NRK: variants seen among roughly 807,000 people sequenced by gnomAD.
NRK encodes nik-related protein kinase.
In NRK, 67 loss-of-function variants were observed where a neutral mutation model predicts 125.2. That is an observed-to-expected ratio of 0.54 (90% confidence interval 0.44 to 0.66). NRK has a LOEUF of 0.66. Ranked by LOEUF, NRK falls within the 30% of genes least tolerant of loss-of-function variation. The probability of loss-of-function intolerance (pLI) is 0.00; values close to 1 mark genes in which losing one functional copy is unlikely to be tolerated. For missense variants in NRK, 1,224 were observed against 1,192.9 expected, an observed-to-expected ratio of 1.03 and a Z score of -0.38; for synonymous variants, 458 against 429.0, an observed-to-expected ratio of 1.07 and a Z score of -0.84.
At chrX:105,900,718 CT>C (rs745321908) in intron 9 of NRK, 46 bp downstream of exon 9, 4 of 763,541 alleles carry the variant, frequency 5.2e-6, no homozygotes, top group Non-Finnish European at 7.9e-6. Context: ...GGGAAATGTA[CT>C]GTACAAATCA....
At chrX:105,859,745 A>G (rs2039578077) in intron 2 of NRK, among the ~76,000 whole-genome samples, 3 of 111,916 alleles carry the variant, frequency 2.7e-5, no homozygotes, top group African/African-American at 9.8e-5. Flanking sequence ...CTTAATAGCC[A>G]CACATAAATA....
At chrX:105,874,033 T>C (rs1008055809) in intron 2 of NRK, among the ~76,000 whole-genome samples, 4 of 112,070 alleles carry the variant, frequency 3.6e-5, no homozygotes, top group African/African-American at 1.3e-4. Flanking sequence ...GCCCTATTGT[T>C]TTTTTTCTGA....
chrX:105,946,127 T>C, intron 25 of NRK, 112 bp downstream of exon 25: 1 of 858,397 alleles, frequency 1.2e-6, no homozygotes, highest in Non-Finnish European at 1.6e-6. Context: ...TTGAACATAA[T>C]TATTTCTTTG....
intron 18 of NRK, among the ~76,000 whole-genome samples, chrX:105,924,178 T>C (rs2040492237): frequency 9.1e-6 from 1 of 109,828 alleles, no homozygotes. Context: ...TATGTATTGC[T>C]GAACTTCCTT....
chrX:105,858,460 C>T (rs1286217743), intron 2 of NRK, among the ~76,000 whole-genome samples: 3 of 106,923 alleles, frequency 2.8e-5, no homozygotes, highest in Non-Finnish European at 5.8e-5. Context: ...GGATAGATAA[C>T]CAAAATGCTA....
In NRK at chrX:105,898,573, A is replaced by G. The variant is rs1275095445; in HGVS notation, c.581-11A>G. 1.7e-6 allele frequency: 2 copies of G among 1,190,889 alleles called. No individual in the cohort carries two copies. Among genetic ancestry groups the G allele is most frequent in the African/African-American group, 1.8e-5 (1 of 56,486 alleles). On this transcript the variant is annotated splice_polypyrimidine_tract_variant and intron_variant, in intron 7 of 28. Coordinates refer to ENST00000243300, the MANE Select transcript of NRK (RefSeq NM_198465.4). ...TGATTGATTATTTTGACATATAATG[A>G]TTTTTGGCAGTTGATTTTGGAGTGA...
In NRK at chrX:105,957,850, C is replaced by T. The variant is rs2040997250; in HGVS notation, c.*2250C>T. The T allele has an allele frequency of 8.9e-6, 1 of 112,587 alleles. No individual in the cohort carries two copies. Among genetic ancestry groups the T allele is most frequent in the Non-Finnish European group, 1.9e-5 (1 of 53,332 alleles). The allele number at this position is 112,587 out of a possible 1,213,427, so 9.3% of individuals were successfully genotyped here. The stretch of plus-strand genomic sequence containing the variant: ...GATGTAAATCCATCTGGAATCTTTA[C>T]ATCCTTTGCCAGCTGAAACAAGAAA... On this transcript the variant is annotated 3_prime_UTR_variant, in exon 29 of 29. Transcript: ENST00000243300.
chrX:105,893,101 G>T (rs1229559368), intron 5 of NRK, among the ~76,000 whole-genome samples: 1 of 110,994 alleles, frequency 9.0e-6, no homozygotes, highest in African/African-American at 3.3e-5. Context: ...TACTAGTTGG[G>T]CCCTCAATTT....
At chrX:105,912,607 T>C in intron 13 of NRK, 41 bp from the exon 14 acceptor site, 1 of 698,019 alleles carries the variant, frequency 1.4e-6, no homozygotes, top group African/African-American at 2.2e-5. Flanking sequence ...ACTTGCATTT[T>C]AACAACAATT....
intron 12 of NRK, 99 bp downstream of exon 12, chrX:105,908,402 T>C: frequency 4.3e-6 from 2 of 466,268 alleles, no homozygotes; most frequent in African/African-American, 2.5e-5. Context: ...CTTAATTCTT[T>C]CTGATACAAC....
intron 13 of NRK, among the ~76,000 whole-genome samples, chrX:105,910,453 G>A (rs749532353): frequency 4.5e-5 from 5 of 112,240 alleles, no homozygotes; most frequent in Non-Finnish European, 3.8e-5. Flanking sequence ...TTTGCTGCCC[G>A]TTTTACATAA....
intron 1 of NRK, among the ~76,000 whole-genome samples, chrX:105,826,909 A>G (rs1425944680): frequency 9.0e-6 from 1 of 111,324 alleles, no homozygotes; most frequent in South Asian, 3.8e-4. Context: ...TCTTTTTTCC[A>G]GTTTCTAGAG....
In NRK at chrX:105,948,552, T is replaced by A. The variant is rs890532477; in HGVS notation, c.4354-1023T>A. The A allele has an allele frequency of 2.6e-5, 11 of 424,280 alleles. No individual in the cohort carries two copies. In the African/African-American group the frequency reaches 2.8e-4, roughly 11 times the overall value. 35.0% of individuals were successfully genotyped at this position (424,280 alleles called of 1,213,427 possible). ...TATGGATTTGCAGCAGTCCAGTTTT[T>A]TTCTAAACAGATTTTATTAAGACAA... On this transcript the variant is annotated intron_variant, in intron 26 of 28. Transcript: ENST00000243300.
At chrX:105,888,262 T>C in intron 4 of NRK, 32 bp from the exon 5 acceptor site, 1 of 1,170,304 alleles carries the variant, frequency 8.5e-7, no homozygotes, top group Non-Finnish European at 1.1e-6. Context: ...TTGCACAGTT[T>C]AGGAGCTTTG....
chrX:105,831,166 A>G (rs747765338), intron 2 of NRK, 47 bp downstream of exon 2: 4 of 808,369 alleles, frequency 4.9e-6, no homozygotes, highest in Admixed American at 5.0e-5. Flanking sequence ...TCTAATGACA[A>G]CAAAGATTGT....
chrX:105,895,679 G>A (rs1270457084), intron 7 of NRK, among the ~76,000 whole-genome samples, 156 bp downstream of exon 7: 2 of 111,565 alleles, frequency 1.8e-5, no homozygotes, highest in Admixed American at 1.9e-4. Flanking sequence ...TTGAAAATTT[G>A]TTTGGGAGAG....
intron 16 of NRK, among the ~76,000 whole-genome samples, chrX:105,920,379 T>C (rs947720127): frequency 9.6e-6 from 1 of 104,527 alleles, no homozygotes; most frequent in Non-Finnish European, 1.9e-5. Context: ...CGATGCGGGC[T>C]CTTTTTTGGT....
At chrX:105,901,510 C>A (rs762939409) in intron 9 of NRK, among the ~76,000 whole-genome samples, 2 of 111,654 alleles carry the variant, frequency 1.8e-5, no homozygotes, top group Admixed American at 9.5e-5. Flanking sequence ...CTCTCCAAAG[C>A]AGATCCTATA....
chrX:105,917,705 A>G (rs1453343824), intron 16 of NRK, 33 bp downstream of exon 16: 1 of 688,439 alleles, frequency 1.5e-6, no homozygotes, highest in Admixed American at 3.2e-5. Context: ...AGCAGGCAAA[A>G]CACAGAGCTA....
Sources: allele counts gnomAD v4.1 joint callset (sites outside exome capture counted in the v4.1 genomes callset), GRCh38; gene constraint gnomAD v4.1.1; transcripts MANE v1.5; gene names NCBI Gene and HGNC (gene_info 2026-07-23, HGNC 2026-07-21).